Variants in DAB1 observed in about 807,000 individuals in gnomAD.
DAB1 encodes the protein DAB adaptor protein 1, also known as disabled homolog 1.
Under a neutral mutation model 64.6 loss-of-function variants are expected in DAB1, and 15 were observed. That is an observed-to-expected ratio of 0.23 (90% CI 0.16 to 0.36). The LOEUF is 0.36. Ranked by LOEUF, DAB1 falls within the 10% of genes least tolerant of loss-of-function variation. The pLI, the probability that DAB1 is intolerant of heterozygous loss-of-function variation, is 1.00. For missense variants in DAB1, 596 were observed against 706.7 expected (o/e 0.84, Z 1.78); for synonymous variants, 235 against 251.9 (o/e 0.93, Z 0.64).
chr1:57,273,607 C>A (rs1422886848), intron 2 of DAB1, among the ~76,000 whole-genome samples: 1 of 115,848 alleles, frequency 8.6e-6, no homozygotes, highest in Non-Finnish European at 1.7e-5. Flanking sequence ...TCCTTCCTTC[C>A]TTCCTTCCCT....
At position 57,980,912 on chromosome 1, in the gene DAB1, T is replaced by TATAC. The variant is rs368714238; in HGVS notation, n.388-96751_388-96750insGTAT. Among the ~76,000 whole-genome samples the TATAC allele has an allele frequency of 7.7e-3, 1,150 of 149,694 alleles. 21 individuals are homozygous for TATAC. The East Asian group carries it at 0.08, about 10-fold the overall frequency. On this transcript the variant is annotated intron_variant and non_coding_transcript_variant, in intron 5 of 20. Coordinates refer to the DAB1 transcript ENST00000485760. ...CTACATGTATATATGTATATATATA[T>TATAC]ACACACACACACACACACATAGATA... is the stretch of plus-strand genomic sequence containing the variant.
chr1:57,656,747 A>G (rs1018711127), intron 6 of DAB1, among the ~76,000 whole-genome samples: 6 of 152,188 alleles, frequency 3.9e-5, no homozygotes, highest in African/African-American at 1.2e-4. Context: ...TGTTTGTTTT[A>G]CCCTAGTTTT....
intron 5 of DAB1, among the ~76,000 whole-genome samples, chr1:58,072,488 A>G (rs1267054174): frequency 6.6e-6 from 1 of 152,208 alleles, no homozygotes; most frequent in East Asian, 1.9e-4. Context: ...TCCAATCCTC[A>G]GTTTCCTCAT....
chr1:57,846,492 C>T (rs1285778240), intron 1 of DAB1, among the ~76,000 whole-genome samples: 1 of 151,834 alleles, frequency 6.6e-6, no homozygotes, highest in East Asian at 1.9e-4. Context: ...GCTTCCTCTC[C>T]TCCCTCCTGT....
chr1:57,974,519 T>C (rs1420711623), intron 5 of DAB1, among the ~76,000 whole-genome samples: 3 of 151,890 alleles, frequency 2.0e-5, no homozygotes, highest in Non-Finnish European at 2.9e-5. Flanking sequence ...GATAGATAGA[T>C]ATATAATACC....
intron 2 of DAB1, among the ~76,000 whole-genome samples, chr1:57,151,197 C>T (rs1484337275): frequency 6.6e-6 from 1 of 152,096 alleles, no homozygotes; most frequent in Non-Finnish European, 1.5e-5. Flanking sequence ...CTATTAATGA[C>T]CCAGGTTTGT....
chr1:58,459,741 G>A (rs757841910), intron 3 of DAB1, among the ~76,000 whole-genome samples: 13 of 152,230 alleles, frequency 8.5e-5, no homozygotes, highest in Non-Finnish European at 1.8e-4. Flanking sequence ...ACTTTGGGAA[G>A]CCAAGGTGGA....
chr1:57,926,016 T>C (rs112623233), intron 5 of DAB1, among the ~76,000 whole-genome samples: 20 of 152,280 alleles, frequency 1.3e-4, no homozygotes, highest in African/African-American at 4.8e-4. Context: ...AAGAACTCTT[T>C]GGGGTATTTA....
chr1:57,786,052 T>G (rs1650322959), intron 6 of DAB1, among the ~76,000 whole-genome samples: 1 of 152,178 alleles, frequency 6.6e-6, no homozygotes, highest in Non-Finnish European at 1.5e-5. Flanking sequence ...TATCAAAGCA[T>G]GACTCTCCAC....
intron 7 of DAB1, among the ~76,000 whole-genome samples, chr1:57,635,853 T>C (rs1356922893): frequency 1.3e-5 from 2 of 151,416 alleles, no homozygotes; most frequent in African/African-American, 4.9e-5. Context: ...CCCAGCACCT[T>C]GGGAGGCCAA....
intron 14 of DAB1, among the ~76,000 whole-genome samples, chr1:57,007,978 A>G (rs1177230320): frequency 5.9e-5 from 9 of 152,180 alleles, no homozygotes; most frequent in Non-Finnish European, 1.3e-4. Context: ...GACGTCCCCC[A>G]TGTGTGTCAT....
chr1:57,416,440 T>A (rs1195377652), intron 1 of DAB1, among the ~76,000 whole-genome samples: 2 of 152,186 alleles, frequency 1.3e-5, no homozygotes, highest in Non-Finnish European at 2.9e-5. Context: ...AAATTTCCTC[T>A]TTGGATGAAA....
At chr1:58,506,209 C>CTAATTTA (rs1268645282) in the DAB1 span, 1 of 863,650 alleles carries the variant, frequency 1.2e-6, no homozygotes, top group Admixed American at 1.7e-5. Flanking sequence ...TCTGCACAAG[C>CTAATTTA]CTAAAACCAA....
At chr1:57,837,000 C>T (rs1296072174) in intron 1 of DAB1, among the ~76,000 whole-genome samples, 2 of 152,308 alleles carry the variant, frequency 1.3e-5, no homozygotes, top group East Asian at 3.9e-4. Flanking sequence ...TCTGCTCTCT[C>T]CTTCACTGCT....
At chr1:58,135,932 C>T (rs1653918068) in intron 5 of DAB1, among the ~76,000 whole-genome samples, 1 of 151,798 alleles carries the variant, frequency 6.6e-6, no homozygotes, top group African/African-American at 2.4e-5. Context: ...TAGCCCTGGG[C>T]CATTCAGTTA....
At chr1:58,527,026 T>C (rs756258246) in intron 2 of DAB1, among the ~76,000 whole-genome samples, 2 of 152,164 alleles carry the variant, frequency 1.3e-5, no homozygotes, top group Non-Finnish European at 2.9e-5. Flanking sequence ...TATAATCTTA[T>C]GGATTCTGTC....
At chr1:58,356,983 A>G (rs910824841) in intron 3 of DAB1, among the ~76,000 whole-genome samples, 1 of 143,690 alleles carries the variant, frequency 7.0e-6, no homozygotes, top group Admixed American at 7.5e-5. Flanking sequence ...CCGTGATTGT[A>G]CCACTTCACT....
At chr1:57,163,169 G>A (rs1660916874) in intron 2 of DAB1, among the ~76,000 whole-genome samples, 1 of 152,226 alleles carries the variant, frequency 6.6e-6, no homozygotes, top group Admixed American at 6.5e-5. Context: ...GATCTGAGAG[G>A]GGGAAGGAAG....
At chr1:57,317,105 GCCAC>G (rs552583270) in intron 1 of DAB1, among the ~76,000 whole-genome samples, 80 of 152,250 alleles carry the variant, frequency 5.3e-4, no homozygotes, top group Non-Finnish European at 9.6e-4. Flanking sequence ...ATATTTGTGA[GCCAC>G]CCTATCAGGA....
Sources: allele counts gnomAD v4.1 joint callset (sites outside exome capture counted in the v4.1 genomes callset), GRCh38; gene constraint gnomAD v4.1.1; transcripts MANE v1.5; gene names NCBI Gene and HGNC (gene_info 2026-07-23, HGNC 2026-07-21).